Variants in IQSEC1 observed in about 807,000 individuals in gnomAD.
The protein encoded by IQSEC1 is IQ motif and SEC7 domain-containing protein 1.
IQSEC1 carries 31 observed loss-of-function variants against 91.0 expected under a neutral mutation model. The ratio of observed to expected loss-of-function variants is 0.34; its 90% confidence interval spans 0.26 to 0.46. The LOEUF (loss-of-function observed/expected upper bound fraction) is 0.46, where lower values mean the gene tolerates loss of function less well. Among genes scored for constraint, IQSEC1 ranks in the 20% least tolerant of loss-of-function variants. The pLI is 1.00. For synonymous variants in IQSEC1, 699 were observed against 662.6 expected (o/e 1.05, Z -0.84); for missense variants, 1,388 against 1,575.6 (o/e 0.88, Z 2.02).
chr3:12,905,583 C>T (rs751100376), intron 12 of IQSEC1, among the ~76,000 whole-genome samples: 2 of 152,248 alleles, frequency 1.3e-5, no homozygotes, highest in Non-Finnish European at 2.9e-5. Context: ...CTGATTCTGG[C>T]ATCTGCGTGC....
At chr3:13,194,331 C>T (rs1457863011) in intron 1 of IQSEC1, among the ~76,000 whole-genome samples, 1 of 152,076 alleles carries the variant, frequency 6.6e-6, no homozygotes, top group Non-Finnish European at 1.5e-5. Flanking sequence ...AGGTTTATTC[C>T]CGTGTTTCTT....
At chr3:13,005,466 C>T (rs1316326206) in intron 1 of IQSEC1, among the ~76,000 whole-genome samples, 1 of 152,194 alleles carries the variant, frequency 6.6e-6, no homozygotes, top group Non-Finnish European at 1.5e-5. Context: ...AAGGCTGAGT[C>T]TCTCAGGAGT....
chr3:13,038,049 C>T (rs1704100757), intron 1 of IQSEC1, among the ~76,000 whole-genome samples: 1 of 151,780 alleles, frequency 6.6e-6, no homozygotes, highest in Non-Finnish European at 1.5e-5. Flanking sequence ...AAGCAACTTG[C>T]AATTTATAAT....
intron 1 of IQSEC1, among the ~76,000 whole-genome samples, chr3:13,029,682 G>A (rs1044072147): frequency 2.0e-5 from 3 of 152,344 alleles, no homozygotes; most frequent in East Asian, 1.9e-4. Context: ...GTGCGTGAGC[G>A]TGAGTGTGTG....
rs184140444 is a variant in IQSEC1 at position 13,199,257 on chromosome 3, G to A, written c.273-35124C>T. Among the ~76,000 whole-genome samples, 213 of 152,312 alleles carry A rather than the reference G, an allele frequency of 1.4e-3. 1 individual carries two copies. The highest frequency in any genetic ancestry group is 4.6e-3 in the African/African-American group (191 of 41,562). ...GTGAGAAGGCTTTGTGGAGGTGGCC[G>A]CACCTGGCCCCTTCTCTAGGAGCCA... On this transcript the variant is annotated intron_variant, in intron 1 of 15. Coordinates refer to the IQSEC1 transcript ENST00000648114.
chr3:12,936,223 T>G lies in IQSEC1; in HGVS notation c.793A>C (p.Thr265Pro). Reference sequence around the variant, plus strand: ...CCGTGCAGGGCTGTCTGGGGTTCGGTGTCCCGGGCCCGCGCCGCATCCAGG... The same window carrying G: ...CCGTGCAGGGCTGTCTGGGGTTCGGGGTCCCGGGCCCGCGCCGCATCCAGG... ...PALDAARARDTEPQTALHGMD... is the reference protein window; with the variant it reads ...PALDAARARDPEPQTALHGMD... Residue 265 changes from threonine to proline, a missense_variant, in exon 3 of 14, where the codon ACC (threonine) becomes CCC (proline). Thr to Pro is a conservative substitution (Grantham distance 38). Transcript: ENST00000613206. The G allele has an allele frequency of 6.2e-7, 1 of 1,613,086 alleles. No individual in the cohort carries two copies. Among genetic ancestry groups the G allele is most frequent in the East Asian group, 2.2e-5 (1 of 44,858 alleles).
chr3:13,263,427 TGG>T (rs74458928), intron 1 of IQSEC1, among the ~76,000 whole-genome samples: 30 of 102,902 alleles, frequency 2.9e-4, no homozygotes, highest in Admixed American at 3.4e-4. Context: ...CTTTTTTTTT[TGG>T]GGGGGGGGGG....
At chr3:13,161,296 G>T (rs1707170987) in intron 2 of IQSEC1, among the ~76,000 whole-genome samples, 1 of 152,162 alleles carries the variant, frequency 6.6e-6, no homozygotes, top group Non-Finnish European at 1.5e-5. Context: ...GGGGAGTGCG[G>T]GAGGAGAAGC....
intron 1 of IQSEC1, among the ~76,000 whole-genome samples, chr3:13,257,477 C>G (rs1553580423): frequency 6.6e-6 from 1 of 152,130 alleles, no homozygotes; most frequent in Non-Finnish European, 1.5e-5. Context: ...AGCATCACCC[C>G]CAACCAGACT....
chr3:13,147,269 G>C (rs1706914343), intron 2 of IQSEC1, among the ~76,000 whole-genome samples: 2 of 152,284 alleles, frequency 1.3e-5, no homozygotes, highest in East Asian at 3.9e-4. Flanking sequence ...GGGTCACCAG[G>C]GTAGTGTACA....
intron 1 of IQSEC1, among the ~76,000 whole-genome samples, chr3:13,028,469 G>A (rs1206180344): frequency 6.6e-6 from 1 of 152,230 alleles, no homozygotes; most frequent in Non-Finnish European, 1.5e-5. Flanking sequence ...AGCAGCTCTT[G>A]AGCATCTGGG....
chr3:13,022,425 C>T, intron 1 of IQSEC1: 2 of 1,051,246 alleles, frequency 1.9e-6, no homozygotes, highest in Non-Finnish European at 2.3e-6. Context: ...TTGCGCCTGC[C>T]TCCTGCCAGG....
chr3:13,154,560 C>G (rs1255702428), intron 2 of IQSEC1, among the ~76,000 whole-genome samples: 1 of 146,818 alleles, frequency 6.8e-6, no homozygotes, highest in Non-Finnish European at 1.5e-5. Context: ...ATACCCTGTT[C>G]TCCATAACAA....
rs575320231 is a variant in IQSEC1 at position 12,911,930 on chromosome 3, CA to C, written c.2317-203del. 2.4e-4 allele frequency among the ~76,000 whole-genome samples: 36 copies of C among 152,360 alleles called. No homozygotes were observed. In the South Asian group the frequency reaches 5.4e-3, roughly 23 times the overall value. The stretch of plus-strand genomic sequence containing the variant: ...ACCCCGATGCCATCTTGGCTGGCAA[CA>C]AAGCCCCACAACCTGACATAGAGGC... On this transcript the variant is annotated intron_variant, in intron 9 of 13. Transcript: ENST00000613206.
At chr3:13,200,539 C>T (rs1165646589) in intron 1 of IQSEC1, among the ~76,000 whole-genome samples, 2 of 152,180 alleles carry the variant, frequency 1.3e-5, no homozygotes, top group African/African-American at 2.4e-5. Context: ...TTCCAGATAA[C>T]GAGGTTGAGA....
In IQSEC1 at chr3:12,915,660, T is replaced by A. The variant is rs1267150395; in HGVS notation, c.2094A>T (p.Leu698=). The change falls in exon 7 of 14, where the codon CTA becomes CTT. Residue 698 remains leucine, a synonymous_variant. Coordinates refer to ENST00000613206, the MANE Select transcript of IQSEC1 (RefSeq NM_001134382.3). ...GIYERIRKRE[L]KTNEDHVSQV... is the part of the protein sequence containing the mutation. Reference sequence around the variant, plus strand: ...GGGACACATGGTCCTCATTGGTCTTTAGCTCTCGCTTACGGATCCGTTCAT... The same window carrying A: ...GGGACACATGGTCCTCATTGGTCTTAAGCTCTCGCTTACGGATCCGTTCAT... 3.1e-6 allele frequency: 5 copies of A among 1,614,078 alleles called. No homozygotes were observed. The highest frequency in any genetic ancestry group is 4.2e-6 in the Non-Finnish European group (5 of 1,180,030).
intron 13 of IQSEC1, 87 bp downstream of exon 13, chr3:12,902,686 A>AC (rs1350105024): frequency 1.2e-5 from 8 of 677,764 alleles, no homozygotes; most frequent in South Asian, 6.4e-5. Flanking sequence ...AAAAAAAAAA[A>AC]AAAAAAAACC....
At chr3:13,257,824 T>C (rs2125125626) in intron 1 of IQSEC1, among the ~76,000 whole-genome samples, 1 of 152,348 alleles carries the variant, frequency 6.6e-6, no homozygotes, top group South Asian at 2.1e-4. Flanking sequence ...TCCTTGCTGT[T>C]TACTTAAGGG....
At chr3:13,231,993 G>A (rs1036471752) in intron 1 of IQSEC1, among the ~76,000 whole-genome samples, 4 of 152,258 alleles carry the variant, frequency 2.6e-5, no homozygotes, top group African/African-American at 9.6e-5. Context: ...TGCCTCGGAG[G>A]AGAAACATGC....
Sources: gnomAD v4.1 joint callset for allele counts (sites outside exome capture counted in the v4.1 genomes callset) on GRCh38, gnomAD v4.1.1 for gene constraint, MANE v1.5 for transcripts, NCBI Gene and HGNC (gene_info 2026-07-23, HGNC 2026-07-21) for gene names.